The following CAMTA1 variants were observed in gnomAD, a reference collection of about 807,000 sequenced individuals.
The protein encoded by CAMTA1 is calmodulin binding transcription activator 1.
In CAMTA1, 27 loss-of-function variants were observed where a neutral mutation model predicts 170.9. That is an observed-to-expected ratio of 0.16 (90% CI 0.12 to 0.22). The LOEUF is 0.22. CAMTA1 is among the 10% of genes least tolerant of loss of function. The pLI, the probability that CAMTA1 is intolerant of heterozygous loss-of-function variation, is 1.00. For missense variants in CAMTA1, 1,619 were observed against 2,217.2 expected (o/e 0.73, Z 5.42); for synonymous variants, 833 against 891.5 (o/e 0.93, Z 1.17).
chr1:6,902,090 T>C (rs368111785), intron 3 of CAMTA1, among the ~76,000 whole-genome samples: 2 of 109,638 alleles, frequency 1.8e-5, no homozygotes, highest in Non-Finnish European at 1.9e-5. Context: ...AAAATAAAAA[T>C]AAAAACTCGT....
chr1:7,220,634 G>C (rs1298158337), intron 4 of CAMTA1, among the ~76,000 whole-genome samples: 2 of 152,182 alleles, frequency 1.3e-5, no homozygotes, highest in East Asian at 3.9e-4. Flanking sequence ...TGTGGCTTTG[G>C]ATCTCTCCAG....
intron 1 of CAMTA1, among the ~76,000 whole-genome samples, chr1:6,807,935 C>G (rs927866702): frequency 7.3e-5 from 11 of 151,626 alleles, no homozygotes; most frequent in African/African-American, 2.7e-4. Context: ...TGATTCAAGA[C>G]AAGTCATAAT....
intron 6 of CAMTA1, among the ~76,000 whole-genome samples, chr1:7,545,376 T>C (rs758369681): frequency 6.6e-6 from 1 of 152,236 alleles, no homozygotes; most frequent in African/African-American, 2.4e-5. Flanking sequence ...CATTGATACA[T>C]GTCTATCAAC....
chr1:6,960,687 G>A (rs568609546), intron 3 of CAMTA1, among the ~76,000 whole-genome samples: 89 of 152,344 alleles, frequency 5.8e-4, no homozygotes, highest in African/African-American at 2.1e-3. Context: ...CAGCTAGACA[G>A]CGACTTCTCG....
At chr1:7,194,441 G>A (rs1012316142) in intron 4 of CAMTA1, among the ~76,000 whole-genome samples, 2 of 151,870 alleles carry the variant, frequency 1.3e-5, no homozygotes, top group African/African-American at 4.8e-5. Context: ...TTTTTTTTAT[G>A]GTGCTGTTCT....
At chr1:6,810,070 C>A (rs543523874) in intron 1 of CAMTA1, among the ~76,000 whole-genome samples, 1 of 152,158 alleles carries the variant, frequency 6.6e-6, no homozygotes, top group African/African-American at 2.4e-5. Context: ...GCTGCTGTAA[C>A]CAATCATCAC....
At chr1:7,012,718 G>A (rs72638597) in intron 3 of CAMTA1, among the ~76,000 whole-genome samples, 6,862 of 152,108 alleles carry the variant, frequency 0.045, 180 homozygotes, top group Middle Eastern at 0.15. Flanking sequence ...TCACCACTGG[G>A]GCTGCCCTTT....
chr1:7,502,239 G>A (rs1192490031), intron 6 of CAMTA1, among the ~76,000 whole-genome samples: 2 of 152,190 alleles, frequency 1.3e-5, no homozygotes, highest in Non-Finnish European at 2.9e-5. Context: ...CCAGACCCTG[G>A]CCAACGGCAA....
intron 5 of CAMTA1, among the ~76,000 whole-genome samples, chr1:7,254,201 G>A (rs1351937806): frequency 6.6e-6 from 1 of 152,180 alleles, no homozygotes; most frequent in Admixed American, 6.5e-5. Context: ...AACCAGAATC[G>A]TGATGGGTCA....
chr1:6,961,875 C>T (rs1255026710), intron 3 of CAMTA1, among the ~76,000 whole-genome samples: 1 of 152,184 alleles, frequency 6.6e-6, no homozygotes, highest in Non-Finnish European at 1.5e-5. Flanking sequence ...CCTGGGAGGA[C>T]GGCCAGAGTG....
At chr1:7,246,229 T>C (rs1189967758) in intron 4 of CAMTA1, among the ~76,000 whole-genome samples, 1 of 152,164 alleles carries the variant, frequency 6.6e-6, no homozygotes, top group Non-Finnish European at 1.5e-5. Context: ...GCTAGAATGG[T>C]TTGATTATAT....
chr1:6,811,198 G>T (rs1489071245), intron 1 of CAMTA1, among the ~76,000 whole-genome samples: 3 of 152,138 alleles, frequency 2.0e-5, no homozygotes, highest in Non-Finnish European at 4.4e-5. Flanking sequence ...CTTGCCTTAT[G>T]GTTTTGTTGA....
In CAMTA1 at chr1:7,580,889, C is replaced by T. The variant is rs879734194; in HGVS notation, c.511-59511C>T. On this transcript the variant is annotated intron_variant, in intron 6 of 22. Coordinates refer to ENST00000303635, the MANE Select transcript of CAMTA1 (RefSeq NM_015215.4). The surrounding 1 kb of genome is among the most constrained non-coding windows in gnomAD (Gnocchi z 4.3). ...ACACCCTGTCCTGACTGTGTGACCTCGAGAAGGTCACATGACCTCGCTGGG... is the reference window on the plus strand; with the variant it reads ...ACACCCTGTCCTGACTGTGTGACCTTGAGAAGGTCACATGACCTCGCTGGG... Among the ~76,000 whole-genome samples the T allele has an allele frequency of 6.6e-6, 1 of 152,172 alleles. No homozygotes were observed. The highest frequency in any genetic ancestry group is 1.5e-5 in the Non-Finnish European group (1 of 68,020).
intron 4 of CAMTA1, among the ~76,000 whole-genome samples, chr1:7,177,470 G>GCCCC (rs139743157): frequency 2.5e-5 from 3 of 122,360 alleles, no homozygotes; most frequent in African/African-American, 9.3e-5. Context: ...ACACCCTGAG[G>GCCCC]CCCCCCCACA....
chr1:6,798,086 G>A (rs1642968228), intron 1 of CAMTA1, among the ~76,000 whole-genome samples: 1 of 149,956 alleles, frequency 6.7e-6, no homozygotes, highest in South Asian at 2.1e-4. Context: ...AACCTCCGCC[G>A]CCTTGGTTCA....
chr1:7,555,948 C>T (rs1420288053), intron 6 of CAMTA1, among the ~76,000 whole-genome samples: 1 of 152,202 alleles, frequency 6.6e-6, no homozygotes, highest in Admixed American at 6.5e-5. Context: ...AGCAGATCAG[C>T]AGGCGGCTGC....
chr1:7,422,391 C>G (rs1487207542), intron 5 of CAMTA1, among the ~76,000 whole-genome samples: 5 of 152,012 alleles, frequency 3.3e-5, no homozygotes, highest in Non-Finnish European at 1.5e-5. Context: ...CTGGAGGAGA[C>G]AGCAGATCCC....
chr1:7,337,835 G>C (rs2083498865), intron 5 of CAMTA1, among the ~76,000 whole-genome samples: 1 of 152,138 alleles, frequency 6.6e-6, no homozygotes, highest in Non-Finnish European at 1.5e-5. Flanking sequence ...TTGCCTAGTG[G>C]AATTTGGACT....
chr1:7,263,793 C>T (rs1668512156), intron 5 of CAMTA1, among the ~76,000 whole-genome samples: 1 of 152,182 alleles, frequency 6.6e-6, no homozygotes, highest in African/African-American at 2.4e-5. Flanking sequence ...TCAGAAGAGG[C>T]TAGCAAGCAT....
Sources: gnomAD v4.1 joint callset for allele counts (sites outside exome capture counted in the v4.1 genomes callset) on GRCh38, gnomAD v4.1.1 for gene constraint, Gnocchi (gnomAD v3.1) non-coding constraint, MANE v1.5 for transcripts, NCBI Gene and HGNC (gene_info 2026-07-23, HGNC 2026-07-21) for gene names.